Variants in ADK observed in about 807,000 individuals in gnomAD.
ADK encodes the protein N6,N6-dimethyladenosine kinase.
In ADK, 24 loss-of-function variants were observed where a neutral mutation model predicts 44.7. That is an observed-to-expected ratio of 0.54 (90% CI 0.39 to 0.76). The LOEUF (loss-of-function observed/expected upper bound fraction) is 0.76, where lower values mean the gene tolerates loss of function less well. Ranked by LOEUF, ADK falls within the 30% of genes least tolerant of loss-of-function variation. ADK has a pLI of 0.00. For synonymous variants in ADK, 128 were observed against 142.6 expected (o/e 0.90, Z 0.73); for missense variants, 321 against 425.1 (o/e 0.76, Z 2.15).
intron 10 of ADK, among the ~76,000 whole-genome samples, chr10:74,706,670 G>A (rs1054253071): frequency 6.6e-6 from 1 of 152,134 alleles, no homozygotes; most frequent in South Asian, 2.1e-4. Flanking sequence ...AAATCAGGTA[G>A]TATAAATCCT....
chr10:74,650,736 A>G (rs921786011), intron 9 of ADK, among the ~76,000 whole-genome samples: 1 of 152,222 alleles, frequency 6.6e-6, no homozygotes, highest in Non-Finnish European at 1.5e-5. Context: ...CAGTACTGAC[A>G]GCGATATCAT....
At chr10:74,671,689 C>A (rs1262898921) in intron 10 of ADK, among the ~76,000 whole-genome samples, 1 of 152,184 alleles carries the variant, frequency 6.6e-6, no homozygotes, top group African/African-American at 2.4e-5. Context: ...CTAGTGATTT[C>A]TTGGTTAGAA....
chr10:74,611,018 CTG>C (rs1457169104), intron 9 of ADK, among the ~76,000 whole-genome samples: 1 of 151,844 alleles, frequency 6.6e-6, no homozygotes, highest in East Asian at 1.9e-4. Context: ...GAAAAATAAA[CTG>C]TAGATTTTTC....
At chr10:74,261,519 A>G (rs2132374373) in intron 3 of ADK, among the ~76,000 whole-genome samples, 1 of 152,308 alleles carries the variant, frequency 6.6e-6, no homozygotes, top group African/African-American at 2.4e-5. Flanking sequence ...GTTTTGCTCA[A>G]GCACATTCTC....
intron 1 of ADK, among the ~76,000 whole-genome samples, chr10:74,173,267 T>A (rs926273625): frequency 1.2e-4 from 18 of 150,770 alleles, no homozygotes; most frequent in Non-Finnish European, 2.4e-4. Context: ...ATTTTTTTTT[T>A]AATTTTTAGT....
At chr10:74,542,602 T>C (rs1849677512) in intron 7 of ADK, among the ~76,000 whole-genome samples, 1 of 152,150 alleles carries the variant, frequency 6.6e-6, no homozygotes, top group African/African-American at 2.4e-5. Flanking sequence ...GCTCCTCCCT[T>C]ATCCCTCATC....
At chr10:74,227,671 C>T (rs1342167023) in intron 3 of ADK, among the ~76,000 whole-genome samples, 1 of 152,160 alleles carries the variant, frequency 6.6e-6, no homozygotes, top group African/African-American at 2.4e-5. Context: ...TGGTGAAACC[C>T]TGTCTCTACT....
At chr10:74,635,435 A>G (rs1017721443) in intron 9 of ADK, among the ~76,000 whole-genome samples, 4 of 152,194 alleles carry the variant, frequency 2.6e-5, no homozygotes, top group African/African-American at 9.7e-5. Flanking sequence ...AGTATATACT[A>G]TGTGATTCCA....
chr10:74,578,333 G>A (rs1339492040), intron 7 of ADK, among the ~76,000 whole-genome samples: 1 of 151,994 alleles, frequency 6.6e-6, no homozygotes, highest in African/African-American at 2.4e-5. Context: ...ATTAATATAA[G>A]TTATTTGGTT....
At chr10:74,412,733 G>C (rs1028727107) in intron 6 of ADK, among the ~76,000 whole-genome samples, 12 of 152,032 alleles carry the variant, frequency 7.9e-5, no homozygotes, top group African/African-American at 2.9e-4. Flanking sequence ...CTTTTTTTCT[G>C]AGCAGTAGAT....
At chr10:74,250,017 C>T (rs565055462) in intron 3 of ADK, among the ~76,000 whole-genome samples, 2 of 152,202 alleles carry the variant, frequency 1.3e-5, no homozygotes, top group African/African-American at 4.8e-5. Context: ...AGTACAAGAG[C>T]TTCTGAAGAC....
chr10:74,524,185 T>G (rs1038529579), intron 6 of ADK, among the ~76,000 whole-genome samples: 2 of 152,344 alleles, frequency 1.3e-5, no homozygotes, highest in Middle Eastern at 3.4e-3. Context: ...TAATAAGACT[T>G]TCATTAATAT....
chr10:74,529,135 A>G (rs1034218316), intron 7 of ADK, among the ~76,000 whole-genome samples: 2 of 152,228 alleles, frequency 1.3e-5, no homozygotes, highest in African/African-American at 4.8e-5. Context: ...AGATGAATAA[A>G]CAAAATTTCA....
chr10:74,472,201 G>A (rs1034538678), intron 6 of ADK, among the ~76,000 whole-genome samples: 1 of 151,780 alleles, frequency 6.6e-6, no homozygotes, highest in Non-Finnish European at 1.5e-5. Context: ...AGATCCCGTC[G>A]GTAAAAAAAA....
intron 3 of ADK, among the ~76,000 whole-genome samples, chr10:74,291,448 A>G (rs1847433092): frequency 6.6e-6 from 1 of 152,108 alleles, no homozygotes; most frequent in Admixed American, 6.6e-5. Context: ...AACAATAACA[A>G]CAAAACCCTA....
At chr10:74,232,871 G>A (rs1315402082) in intron 3 of ADK, among the ~76,000 whole-genome samples, 7 of 152,218 alleles carry the variant, frequency 4.6e-5, no homozygotes, top group Admixed American at 3.9e-4. Flanking sequence ...TGATCCACCC[G>A]CCTTGCCCTC....
intron 3 of ADK, among the ~76,000 whole-genome samples, chr10:74,266,860 A>G (rs1307994939): frequency 6.6e-6 from 1 of 152,228 alleles, no homozygotes; most frequent in Non-Finnish European, 1.5e-5. Context: ...ATCAGAAGGA[A>G]CTTGGTGTTT....
At chr10:74,274,227 A>T (rs1011576001) in intron 3 of ADK, among the ~76,000 whole-genome samples, 3 of 152,140 alleles carry the variant, frequency 2.0e-5, no homozygotes, top group African/African-American at 7.2e-5. Flanking sequence ...TGTATTAAAC[A>T]CTGTATTCTT....
chr10:74,256,128 A>G (rs1440607743), intron 3 of ADK, among the ~76,000 whole-genome samples: 2 of 152,194 alleles, frequency 1.3e-5, no homozygotes, highest in African/African-American at 4.8e-5. Context: ...GCATTCTGAC[A>G]TGTGAAAAGG....
Sources: gnomAD v4.1 joint callset for allele counts (sites outside exome capture counted in the v4.1 genomes callset) on GRCh38, gnomAD v4.1.1 for gene constraint, MANE v1.5 for transcripts, NCBI Gene and HGNC (gene_info 2026-07-23, HGNC 2026-07-21) for gene names.